BOK: variants seen among roughly 807,000 people sequenced by gnomAD.
BOK encodes BCL2 family apoptosis regulator BOK, also known as bcl-2-related ovarian killer protein.
BOK carries 20 observed loss-of-function variants against 18.3 expected under a neutral mutation model. The ratio of observed to expected loss-of-function variants is 1.09; its 90% CI spans 0.77 to 1.59. The LOEUF is 1.59. Ranked by LOEUF, BOK falls within the 40% of genes most tolerant of loss-of-function variation. The pLI, the probability that BOK is intolerant of heterozygous loss-of-function variation, is 0.00. For missense variants in BOK, 348 were observed against 307.9 expected (o/e 1.13, Z -0.97); for synonymous variants, 173 against 142.4 (o/e 1.21, Z -1.53).
chr2:241,559,082 G>A (rs76993203), intron 1 of BOK, 89 bp downstream of exon 1: 74,040 of 153,532 alleles, frequency 0.48, 18,158 homozygotes, highest in African/African-American at 0.54. Context: ...GGACGCCAGC[G>A]GCGGAGGTGG....
chr2:241,567,281 C>T (rs1378824544), intron 3 of BOK, among the ~76,000 whole-genome samples: 1 of 133,666 alleles, frequency 7.5e-6, no homozygotes, highest in East Asian at 2.7e-4. Context: ...CACCCGCCAC[C>T]ATGCTTGGCT....
intron 4 of BOK, 36 bp from the exon 5 acceptor site, chr2:241,572,261 G>C (rs758845901): frequency 5.0e-6 from 8 of 1,599,880 alleles, no homozygotes; most frequent in Non-Finnish European, 6.8e-6. Flanking sequence ...GGCGGTGCTG[G>C]CTCTGCTTTC....
rs1224916108 is a variant in BOK at position 241,562,481 on chromosome 2, GCCCAGCCTGCCCGT to G, written c.349+10_349+23del. 1 of 1,604,196 alleles carries G rather than the reference GCCCAGCCTGCCCGT, an allele frequency of 6.2e-7. No homozygotes were observed. Among genetic ancestry groups the G allele is most frequent in the South Asian group, 1.1e-5 (1 of 89,870 alleles). ...CTGGCCACATCTTCTCTGCAGGTAT[GCCCAGCCTGCCCGT>G]CCCATGGGACCTCAGGGAGGGATCC... On this transcript the variant is annotated splice_donor_region_variant and intron_variant, in intron 3 of 4. Coordinates refer to ENST00000318407, the MANE Select transcript of BOK (RefSeq NM_032515.5). The surrounding 1 kb of genome is among the most constrained non-coding windows in gnomAD (Gnocchi z 4.5).
chr2:241,564,767 G>A lies in BOK; in HGVS notation c.349+2291G>A, dbSNP rs150834515. On this transcript the variant is annotated intron_variant, in intron 3 of 4. Coordinates refer to ENST00000318407, the MANE Select transcript of BOK (RefSeq NM_032515.5). ...GACCACTCTCAGCCCTCCCTTGGCC[G>A]ACGCCGGCGCGTGGGTGGCCACCCG... 5.8e-3 allele frequency among the ~76,000 whole-genome samples: 887 copies of A among 152,292 alleles called. 5 individuals carry two copies. Among genetic ancestry groups the A allele is most frequent in the Middle Eastern group, 0.017 (5 of 294 alleles).
chr2:241,569,187 C>CGA, intron 3 of BOK, among the ~76,000 whole-genome samples: 1 of 152,304 alleles, frequency 6.6e-6, no homozygotes, highest in Non-Finnish European at 1.5e-5. Flanking sequence ...CTGGAGTGTA[C>CGA]TGGCGCGATC....
chr2:241,552,106 G>A (rs1447994071), intron 1 of BOK, among the ~76,000 whole-genome samples: 3 of 152,198 alleles, frequency 2.0e-5, no homozygotes, highest in East Asian at 3.8e-4. Flanking sequence ...GGCTGGGACG[G>A]GGTGGCAATG....
chr2:241,565,092 G>T (rs577736811), intron 3 of BOK, among the ~76,000 whole-genome samples: 1 of 152,266 alleles, frequency 6.6e-6, no homozygotes, highest in African/African-American at 2.4e-5. Context: ...AATGTGGGCG[G>T]CACCGGCCAG....
At position 241,562,370 on chromosome 2, in the gene BOK, G is replaced by A; in HGVS notation, c.243G>A (p.Arg81=). Residue 81 remains arginine (R), a synonymous_variant, in exon 3 of 5, where the codon CGG becomes CGA. Coordinates refer to ENST00000318407, the MANE Select transcript of BOK (RefSeq NM_032515.5). The surrounding 1 kb of genome is among the most constrained non-coding windows in gnomAD (Gnocchi z 4.5). Reference sequence around the variant, plus strand: ...CAGGCGATGAGCTGGAGATGATCCGGCCCAGCGTCTACCGCAACGTGGCGC... The same window carrying A: ...CAGGCGATGAGCTGGAGATGATCCGACCCAGCGTCTACCGCAACGTGGCGC... ...LRLGDELEMI[R]PSVYRNVARQ... is the part of the protein sequence containing the mutation. 1 of 1,609,230 alleles carries A rather than the reference G, an allele frequency of 6.2e-7. No individual in the cohort carries two copies. Among genetic ancestry groups the A allele is most frequent in the Non-Finnish European group, 8.5e-7 (1 of 1,178,566 alleles).
At chr2:241,553,547 A>G (rs900886085) in intron 1 of BOK, among the ~76,000 whole-genome samples, 3 of 152,216 alleles carry the variant, frequency 2.0e-5, no homozygotes, top group Non-Finnish European at 4.4e-5. Context: ...GAAACTTACA[A>G]TCATGGCGGA....
chr2:241,555,579 G>T (rs1489307535), upstream of BOK, among the ~76,000 whole-genome samples: 8 of 151,818 alleles, frequency 5.3e-5, no homozygotes, highest in Non-Finnish European at 1.2e-4. Flanking sequence ...GTCTCACCTT[G>T]TTGGTCAAGC....
chr2:241,573,717 T>C lies in BOK; in HGVS notation c.*1295T>C, dbSNP rs1669732612. 6.6e-6 allele frequency: 1 copy of C among 152,174 alleles called. No individual in the cohort carries two copies. The highest frequency in any genetic ancestry group is 1.5e-5 in the Non-Finnish European group (1 of 68,036). The allele number at this position is 152,174 out of a possible 1,614,324, so 9.4% of individuals were successfully genotyped here. A position where few individuals can be genotyped will look rare whatever the true frequency, so the allele number is the denominator to read the frequency against. On this transcript the variant is annotated 3_prime_UTR_variant, in exon 5 of 5. Coordinates refer to ENST00000318407, the MANE Select transcript of BOK (RefSeq NM_032515.5). The stretch of plus-strand genomic sequence containing the variant: ...GGGTGAGGGTGACCCCATCTGCTAT[T>C]TTTGTGCTCATCCTCATACAACCAT...
chr2:241,560,521 G>A (rs1238014888), intron 2 of BOK, among the ~76,000 whole-genome samples: 1 of 152,240 alleles, frequency 6.6e-6, no homozygotes, highest in Non-Finnish European at 1.5e-5. Flanking sequence ...CGCTGGCATG[G>A]GCTCTAGGTG....
Position 241,572,566 on chromosome 2 carries a change from A to G in BOK, c.*144A>G. On this transcript the variant is annotated 3_prime_UTR_variant, in exon 5 of 5. Coordinates refer to ENST00000318407, the MANE Select transcript of BOK (RefSeq NM_032515.5). ...CCCCCTAAGCCCCGTTCCTCCGCAG[A>G]CCCAGGCCCTCCGGAAGGGGTGAGT... 7.7e-7 allele frequency: 1 copy of G among 1,293,186 alleles called. No individual in the cohort carries two copies. The highest frequency in any genetic ancestry group is 1.0e-6 in the Non-Finnish European group (1 of 958,750). The allele number at this position is 1,293,186 out of a possible 1,614,324, so 80.1% of individuals were successfully genotyped here. A position where few individuals can be genotyped will look rare whatever the true frequency, so the allele number is the denominator to read the frequency against.
chr2:241,558,058 C>G (rs74003739), upstream of BOK, among the ~76,000 whole-genome samples: 8 of 97,122 alleles, frequency 8.2e-5, no homozygotes, highest in African/African-American at 2.7e-4. Context: ...TTCCGAGACA[C>G]ACACACACAC....
At chr2:241,563,059 A>G (rs2066556072) in intron 3 of BOK, among the ~76,000 whole-genome samples, 1 of 152,092 alleles carries the variant, frequency 6.6e-6, no homozygotes, top group Non-Finnish European at 1.5e-5. Context: ...CATCCGGAGA[A>G]CAGCAGCGCA....
chr2:241,557,400 C>G (rs936750957), upstream of BOK, among the ~76,000 whole-genome samples: 5 of 150,850 alleles, frequency 3.3e-5, no homozygotes, highest in African/African-American at 1.2e-4. Context: ...ACCTTCGCCT[C>G]CCAGGTTCAA....
intron 3 of BOK, among the ~76,000 whole-genome samples, chr2:241,569,529 C>G (rs535770713): frequency 6.6e-6 from 1 of 152,226 alleles, no homozygotes; most frequent in Non-Finnish European, 1.5e-5. Context: ...TTATAATTTT[C>G]TTTTGTGAAT....
In BOK at chr2:241,562,403, G is replaced by A; in HGVS notation, c.276G>A (p.Leu92=). Reference sequence around the variant, plus strand: ...TCTACCGCAACGTGGCGCGTCAGCTGCACATCTCCCTGCAGTCTGAGCCTG... The same window carrying A: ...TCTACCGCAACGTGGCGCGTCAGCTACACATCTCCCTGCAGTCTGAGCCTG... ...PSVYRNVARQ[L]HISLQSEPVV... The change falls in exon 3 of 5, where the codon CTG becomes CTA. Residue 92 remains leucine, a synonymous_variant. Transcript: ENST00000318407. This position sits in a 1 kb window ranked among gnomAD's most constrained non-coding sequence, Gnocchi z 4.5. 1.9e-6 allele frequency: 3 copies of A among 1,612,214 alleles called. No individual in the cohort carries two copies. Among genetic ancestry groups the A allele is most frequent in the Non-Finnish European group, 2.5e-6 (3 of 1,179,850 alleles).
rs546120458 is a variant in BOK, at chr2:241,572,530, A to C, written c.*108A>C. ...CCCCACCCGAGCCTGGAGCACTCTAACCCTCGGAGACCCCCTAAGCCCCGT... is the reference window on the plus strand; with the variant it reads ...CCCCACCCGAGCCTGGAGCACTCTACCCCTCGGAGACCCCCTAAGCCCCGT... On this transcript the variant is annotated 3_prime_UTR_variant, in exon 5 of 5. Coordinates refer to ENST00000318407, the MANE Select transcript of BOK (RefSeq NM_032515.5). 205 of 1,450,848 alleles carry C rather than the reference A, an allele frequency of 1.4e-4. No homozygotes were observed. In the African/African-American group the frequency reaches 2.7e-3, roughly 19 times the overall value. The allele number at this position is 1,450,848 out of a possible 1,614,324, so 89.9% of individuals were successfully genotyped here.
Sources: allele counts gnomAD v4.1 joint callset (sites outside exome capture counted in the v4.1 genomes callset), GRCh38; gene constraint gnomAD v4.1.1; non-coding constraint Gnocchi (gnomAD v3.1); transcripts MANE v1.5; gene names NCBI Gene and HGNC (gene_info 2026-07-23, HGNC 2026-07-21).